PRPF6: variants seen among roughly 807,000 people sequenced by gnomAD.
The protein encoded by PRPF6 is pre-mRNA-processing factor 6.
In PRPF6, 42 loss-of-function variants were observed where a neutral mutation model predicts 118.3. The observed-to-expected ratio is 0.35, with a 90% CI of 0.28 to 0.46. The LOEUF (loss-of-function observed/expected upper bound fraction) is 0.46, where lower values mean the gene tolerates loss of function less well. Ranked by LOEUF, PRPF6 falls within the 20% of genes least tolerant of loss-of-function variation. PRPF6 has a pLI of 1.00. For missense variants in PRPF6, 662 were observed against 1,255.7 expected (o/e 0.53, Z 7.15); for synonymous variants, 481 against 485.1 (o/e 0.99, Z 0.11).
intron 2 of PRPF6, among the ~76,000 whole-genome samples, chr20:63,983,759 A>G (rs1374073617): frequency 6.7e-6 from 1 of 149,612 alleles, no homozygotes; most frequent in African/African-American, 2.5e-5. Flanking sequence ...ATTTCAAGCG[A>G]TTCTCCTGCC....
At chr20:63,991,361 A>G (rs2059117733) in intron 3 of PRPF6, among the ~76,000 whole-genome samples, 1 of 152,040 alleles carries the variant, frequency 6.6e-6, no homozygotes, top group Admixed American at 6.6e-5. Context: ...ATTAGAGGCT[A>G]CAGTGAGCTA....
intron 3 of PRPF6, among the ~76,000 whole-genome samples, chr20:63,991,924 G>T (rs2059120464): frequency 6.6e-6 from 1 of 152,194 alleles, no homozygotes; most frequent in South Asian, 2.1e-4. Flanking sequence ...AATTACATGG[G>T]TTATGTTCTG....
rs568302023 is a variant in PRPF6, at chr20:63,996,107, T to C, written c.771+625T>C. Among the ~76,000 whole-genome samples the C allele has an allele frequency of 2.0e-5, 3 of 152,266 alleles. No individual in the cohort carries two copies. In the South Asian group the frequency reaches 6.2e-4, roughly 32 times the overall value. On this transcript the variant is annotated intron_variant, in intron 6 of 20. Coordinates refer to ENST00000266079, the MANE Select transcript of PRPF6 (RefSeq NM_012469.4). ...GTGAAGTACAGAACTCTTTCTGATA[T>C]GCATATCAGATACCACGAAGGAACA...
At position 64,010,333 on chromosome 20, in the gene PRPF6, C is replaced by T. The variant is rs1241863789; in HGVS notation, c.1305+15C>T. ...CCAGCGTGGAGGTGAGTCTGGCGGG[C>T]TCAGGGCCACCAGAGCCCAAAGTGG... On this transcript the variant is annotated intron_variant, in intron 10 of 20. Coordinates refer to ENST00000266079, the MANE Select transcript of PRPF6 (RefSeq NM_012469.4). The T allele has an allele frequency of 1.2e-6, 2 of 1,604,868 alleles. No homozygotes were observed. Among genetic ancestry groups the T allele is most frequent in the South Asian group, 1.1e-5 (1 of 90,980 alleles).
intron 12 of PRPF6, among the ~76,000 whole-genome samples, chr20:64,018,498 C>T (rs2059249116): frequency 1.3e-5 from 2 of 152,124 alleles, no homozygotes; most frequent in Non-Finnish European, 2.9e-5. Flanking sequence ...GGTGTTTCCA[C>T]TGTATGGTTG....
intron 3 of PRPF6, among the ~76,000 whole-genome samples, chr20:63,992,555 C>G (rs931154718): frequency 1.3e-5 from 2 of 152,118 alleles, no homozygotes; most frequent in African/African-American, 4.8e-5. Context: ...CCACGCCTGG[C>G]CTTCTTAGGT....
chr20:64,032,739 G>A (rs1417189853), intron 20 of PRPF6, 102 bp from the exon 21 acceptor site: 3 of 1,464,760 alleles, frequency 2.0e-6, no homozygotes, highest in South Asian at 2.4e-5. Context: ...GTTGGGGTTG[G>A]TGCTGCCAGG....
chr20:63,994,158 CTTTTTTT>C (rs1158030989), intron 4 of PRPF6, among the ~76,000 whole-genome samples: 2 of 138,382 alleles, frequency 1.4e-5, no homozygotes, highest in African/African-American at 5.3e-5. Context: ...TTTTCTTTTT[CTTTTTTT>C]TTTTTTTTTG....
intron 8 of PRPF6, 125 bp downstream of exon 8, chr20:63,999,884 G>C: frequency 7.9e-7 from 1 of 1,259,480 alleles, no homozygotes; most frequent in Admixed American, 2.2e-5. Flanking sequence ...GGGCAGGCTG[G>C]GGGAGGATGT....
At chr20:64,031,695 C>A (rs28680252) in intron 19 of PRPF6, among the ~76,000 whole-genome samples, 36,198 of 142,190 alleles carry the variant, frequency 0.25, 5,550 homozygotes, top group African/African-American at 0.44. Flanking sequence ...AAAAAAACAA[C>A]AAAAAAAAAC....
intron 12 of PRPF6, among the ~76,000 whole-genome samples, chr20:64,020,952 A>G (rs1316709174): frequency 6.6e-6 from 1 of 152,132 alleles, no homozygotes; most frequent in Non-Finnish European, 1.5e-5. Flanking sequence ...ATGCCCAGCT[A>G]GTTTTTGTAT....
chr20:64,025,488 C>G (rs940730518), intron 14 of PRPF6, among the ~76,000 whole-genome samples: 1 of 152,204 alleles, frequency 6.6e-6, no homozygotes, highest in African/African-American at 2.4e-5. Context: ...TCAGTGGCAC[C>G]CTGGGAGTCC....
At chr20:63,991,086 C>T (rs2059116413) in intron 3 of PRPF6, among the ~76,000 whole-genome samples, 1 of 152,104 alleles carries the variant, frequency 6.6e-6, no homozygotes, top group Admixed American at 6.6e-5. Context: ...ACACTCAGCC[C>T]TACATTTTAA....
In PRPF6 at chr20:63,981,196, C is replaced by T; in HGVS notation, c.-50C>T. ...GCCTAGAGTCTCTGCGTCTTTCCCT[C>T]TTCCGCTGCCTCATTCCTTTCCTTC... is the stretch of plus-strand genomic sequence containing the variant. On this transcript the variant is annotated 5_prime_UTR_variant, in exon 1 of 21. Coordinates refer to ENST00000266079, the MANE Select transcript of PRPF6 (RefSeq NM_012469.4). The T allele has an allele frequency of 6.4e-7, 1 of 1,554,284 alleles. No homozygotes were observed. The highest frequency in any genetic ancestry group is 1.2e-5 in the South Asian group (1 of 85,548).
At chr20:63,993,259 T>C (rs2059126643) in intron 3 of PRPF6, 148 bp from the exon 4 acceptor site, 1 of 393,170 alleles carries the variant, frequency 2.5e-6, no homozygotes, top group Non-Finnish European at 4.7e-6. Flanking sequence ...TGTGTGTGTG[T>C]GTGTATATGT....
At position 63,991,587 on chromosome 20, in the gene PRPF6, C is replaced by A. The variant is rs531748656; in HGVS notation, c.360-1820C>A. On this transcript the variant is annotated intron_variant, in intron 3 of 20. Coordinates refer to ENST00000266079, the MANE Select transcript of PRPF6 (RefSeq NM_012469.4). ...CGGGCAGATCATGAGGTCAGGAGAT[C>A]GAGACCATCCTGGCCAACATGGTGA... 1.6e-4 allele frequency among the ~76,000 whole-genome samples: 25 copies of A among 152,142 alleles called. No individual in the cohort carries two copies. In the East Asian group the frequency reaches 4.8e-3, roughly 29 times the overall value.
chr20:63,994,795 C>T, intron 4 of PRPF6, 121 bp from the exon 5 acceptor site: 1 of 1,274,072 alleles, frequency 7.8e-7, no homozygotes, highest in Non-Finnish European at 1.1e-6. Context: ...ACAGTTGCTG[C>T]ATCCAAATCC....
Position 64,000,683 on chromosome 20 carries a change from C to G in PRPF6, c.1024-394C>G, listed in dbSNP as rs2059162774. 2.6e-5 allele frequency among the ~76,000 whole-genome samples: 4 copies of G among 151,998 alleles called. No homozygotes were observed. The South Asian group carries it at 8.3e-4, about 32-fold the overall frequency. ...TCCCGGGTTCAAGCAATTCTCCTGC[C>G]TCAGCCTCCTGAGTACCTGGGATTA... On this transcript the variant is annotated intron_variant, in intron 8 of 20. Transcript: ENST00000266079.
In PRPF6 at chr20:63,986,489, C is replaced by CT. The variant is rs759745026; in HGVS notation, c.359+1481dup. Among the ~76,000 whole-genome samples the CT allele has an allele frequency of 4.6e-3, 636 of 138,648 alleles. 2 individuals are homozygous for CT. The highest frequency in any genetic ancestry group is 7.1e-3 in the African/African-American group (270 of 38,032). 91.0% of individuals were successfully genotyped at this position (138,648 alleles called of 152,430 possible). A position where few individuals can be genotyped will look rare whatever the true frequency, so the allele number is the denominator to read the frequency against. On this transcript the variant is annotated intron_variant, in intron 3 of 20. Transcript: ENST00000266079. ...GAATGAAGGACAAAAACCATATGAT[C>CT]TTTTTTTTTTTTTTTTTGAGACGGA...
Sources: gnomAD v4.1 joint callset for allele counts (sites outside exome capture counted in the v4.1 genomes callset) on GRCh38, gnomAD v4.1.1 for gene constraint, MANE v1.5 for transcripts, NCBI Gene and HGNC (gene_info 2026-07-23, HGNC 2026-07-21) for gene names.